Variants in ANKRD24 observed in about 807,000 individuals in gnomAD.
The protein encoded by ANKRD24 is ankyrin repeat domain 24, also known as ankyrin repeat domain-containing protein 24.
A neutral mutation model predicts 127.8 loss-of-function variants in ANKRD24; 109 were observed. The observed-to-expected ratio is 0.85, with a 90% CI of 0.73 to 1.00. ANKRD24 has a LOEUF of 1.00. ANKRD24 is among the 50% of genes least tolerant of loss of function. The probability of loss-of-function intolerance (pLI) is 0.00; values close to 1 mark genes in which losing one functional copy is unlikely to be tolerated. For synonymous variants in ANKRD24, 743 were observed against 671.1 expected (o/e 1.11, Z -1.66); for missense variants, 1,648 against 1,570.2 (o/e 1.05, Z -0.84).
At chr19:4,193,160 G>T (rs1163069196) in intron 2 of ANKRD24, among the ~76,000 whole-genome samples, 1 of 151,684 alleles carries the variant, frequency 6.6e-6, no homozygotes, top group Admixed American at 6.6e-5. Flanking sequence ...AAATTAGCCA[G>T]GCGTGGTGGT....
At chr19:4,209,921 C>G (rs10402675) in intron 11 of ANKRD24, 137 bp from the exon 12 acceptor site, 464,804 of 619,366 alleles carry the variant, frequency 0.75, 174,964 homozygotes, top group African/African-American at 0.77. Flanking sequence ...AAGTAAGCGG[C>G]AGGAGGCAGG....
rs747414629 is a variant in ANKRD24, at chr19:4,219,574, G to A, written c.3004-17G>A. 2.4e-5 allele frequency: 38 copies of A among 1,593,374 alleles called. No homozygotes were observed. Among genetic ancestry groups the A allele is most frequent in the South Asian group, 8.9e-5 (8 of 89,834 alleles). On this transcript the variant is annotated splice_polypyrimidine_tract_variant and intron_variant, in intron 18 of 21. Coordinates refer to ENST00000318934, the MANE Select transcript of ANKRD24 (RefSeq NM_001393985.1). ...AGTCTTAGTGTCCTGAGAGTCATGC[G>A]TGGGCTTGGGCCACAGGTGCAGCGT...
At chr19:4,224,102 G>A (rs1436693601) in intron 20 of ANKRD24, 25 bp from the exon 21 acceptor site, 9 of 1,608,250 alleles carry the variant, frequency 5.6e-6, no homozygotes, top group Non-Finnish European at 6.8e-6. Flanking sequence ...CTGCTCTTCT[G>A]AGCGCCCCTT....
chr19:4,210,140 T>G lies in ANKRD24; in HGVS notation c.951+2T>G. 1 of 1,605,650 alleles carries G rather than the reference T, an allele frequency of 6.2e-7. No homozygotes were observed. The highest frequency in any genetic ancestry group is 8.5e-7 in the Non-Finnish European group (1 of 1,176,552). On this transcript the variant is annotated splice_donor_variant, in intron 12 of 21. Transcript: ENST00000318934. LOFTEE classifies it high-confidence loss of function. Reference sequence around the variant, plus strand: ...CCTCCCGCCAGCATTCCCATGCCGGTGAGAGATGCTCTGGGCACGGGAGGA... The same window carrying G: ...CCTCCCGCCAGCATTCCCATGCCGGGGAGAGATGCTCTGGGCACGGGAGGA...
At chr19:4,220,314 T>C (rs1025536637) in intron 19 of ANKRD24, among the ~76,000 whole-genome samples, 3 of 152,136 alleles carry the variant, frequency 2.0e-5, no homozygotes, top group African/African-American at 7.2e-5. Context: ...TGCCAGGCCC[T>C]GTGGACTGGA....
At chr19:4,205,908 C>T (rs8111300) in intron 7 of ANKRD24, among the ~76,000 whole-genome samples, 20,764 of 149,926 alleles carry the variant, frequency 0.14, 1,553 homozygotes, top group Middle Eastern at 0.17. Context: ...TTTGGGAGGC[C>T]GAGGCGGGTG....
At position 4,217,932 on chromosome 19, in the gene ANKRD24, G is replaced by C. The variant is rs1458169873; in HGVS notation, c.2772G>C (p.Glu924Asp). ...CCTCTGAGCACCGCCGGCTGCAGGA[G>C]GAGGCCCTGGAGCTGCGGGGCCGGG... ...VPASEHRRLQEEALELRGRAA... is the reference protein window; with the variant it reads ...VPASEHRRLQDEALELRGRAA... The change falls in exon 18 of 22, where the codon GAG (glutamate) becomes GAC (aspartate). Residue 924 changes from glutamate to aspartate, a missense_variant. Transcript: ENST00000318934. 4.0e-6 allele frequency: 6 copies of C among 1,498,706 alleles called. No homozygotes were observed. Among genetic ancestry groups the C allele is most frequent in the Non-Finnish European group, 5.3e-6 (6 of 1,131,486 alleles). 92.8% of individuals were successfully genotyped at this position (1,498,706 alleles called of 1,614,324 possible).
In ANKRD24 at chr19:4,195,089, TAGAG is replaced by T. The variant is rs1017148247; in HGVS notation, c.37-4591_37-4588del. Among the ~76,000 whole-genome samples, 3 of 152,008 alleles carry T rather than the reference TAGAG, an allele frequency of 2.0e-5. No homozygotes were observed. The highest frequency in any genetic ancestry group is 7.2e-5 in the African/African-American group (3 of 41,416). On this transcript the variant is annotated intron_variant, in intron 2 of 21. Coordinates refer to ENST00000318934, the MANE Select transcript of ANKRD24 (RefSeq NM_001393985.1). The surrounding 1 kb of genome is among the most constrained non-coding windows in gnomAD (Gnocchi z 4.2). ...GTTTGTTTGTTTGTTTGTTTGTTTT[TAGAG>T]AGGGAGTCTCACTCTGTCACCCAGG...
chr19:4,192,712 C>T (rs1016247371), intron 2 of ANKRD24, among the ~76,000 whole-genome samples: 2 of 151,502 alleles, frequency 1.3e-5, no homozygotes, highest in East Asian at 4.0e-4. Context: ...GGGAGGATCA[C>T]TTAAGCCCAG....
chr19:4,198,165 AG>A lies in ANKRD24; in HGVS notation c.37-1515del. On this transcript the variant is annotated intron_variant, in intron 2 of 21. Transcript: ENST00000318934. This position sits in a 1 kb window ranked among gnomAD's most constrained non-coding sequence, Gnocchi z 6.1. ...ATGCAGCCGGCGGCCTGCGCTGGTG[AG>A]GGAGCCGGGCCCCCGGCGCCGCGTC... The A allele has an allele frequency of 1.8e-6, 1 of 563,416 alleles. No individual in the cohort carries two copies. The highest frequency in any genetic ancestry group is 3.3e-5 in the Admixed American group (1 of 30,700). 34.9% of individuals were successfully genotyped at this position (563,416 alleles called of 1,614,324 possible).
At chr19:4,222,821 A>G (rs1970514319) in intron 20 of ANKRD24, 26 bp downstream of exon 20, 3 of 1,582,134 alleles carry the variant, frequency 1.9e-6, no homozygotes, top group African/African-American at 2.7e-5. Flanking sequence ...CGCAGGGGCC[A>G]GGGGACCATC....
intron 6 of ANKRD24, 109 bp from the exon 7 acceptor site, chr19:4,202,760 G>A (rs953670493): frequency 1.4e-5 from 17 of 1,180,050 alleles, no homozygotes; most frequent in African/African-American, 3.1e-5. Context: ...TGGGGGCCAC[G>A]GAAGGGTGAG....
At position 4,212,684 on chromosome 19, in the gene ANKRD24, C is replaced by T; in HGVS notation, c.1183C>T (p.Leu395=). Residue 395 remains leucine, a synonymous_variant, in exon 15 of 22, where the codon CTG becomes TTG. Coordinates refer to ENST00000318934, the MANE Select transcript of ANKRD24 (RefSeq NM_001393985.1). ...GREVESLQSR[L]SLLENERENT... ...GGAGGTGGAGAGTTTGCAGAGCCGGCTGTCCCTGCTGGAGGTAGGAGCAGT... is the reference window on the plus strand; with the variant it reads ...GGAGGTGGAGAGTTTGCAGAGCCGGTTGTCCCTGCTGGAGGTAGGAGCAGT... 6.4e-7 allele frequency: 1 copy of T among 1,550,852 alleles called. No individual in the cohort carries two copies. The highest frequency in any genetic ancestry group is 1.2e-5 in the South Asian group (1 of 84,016).
chr19:4,208,684 C>A, intron 10 of ANKRD24, 80 bp from the exon 11 acceptor site: 1 of 1,423,094 alleles, frequency 7.0e-7, no homozygotes, highest in Non-Finnish European at 9.7e-7. Flanking sequence ...TCGGGAGCCC[C>A]CTACAAGTCC....
At chr19:4,193,227 G>T (rs940394364) in intron 2 of ANKRD24, among the ~76,000 whole-genome samples, 1 of 149,524 alleles carries the variant, frequency 6.7e-6, no homozygotes, top group Non-Finnish European at 1.5e-5. Flanking sequence ...GCTTGAATCC[G>T]GGAGGCAGGG....
rs61743270 is a variant in ANKRD24 at position 4,199,947 on chromosome 19, G to A, written c.196G>A (p.Ala66Thr). The A allele has an allele frequency of 5.0e-3, 7,877 of 1,564,072 alleles. 128 individuals are homozygous for A. In the African/African-American group the frequency reaches 0.055, roughly 11 times the overall value. ...VENNDAPRVAALIARKGLVPT... is the reference protein window; with the variant it reads ...VENNDAPRVATLIARKGLVPT... Reference sequence around the variant, plus strand: ...AAACAACGATGCACCTCGGGTGGCCGCCCTCATCGCCCGCAAGGGGCTGGT... The same window carrying A: ...AAACAACGATGCACCTCGGGTGGCCACCCTCATCGCCCGCAAGGGGCTGGT... The change falls in exon 4 of 22, where the codon GCC (alanine) becomes ACC (threonine). Residue 66 changes from alanine (A) to threonine (T), a missense_variant. Physicochemically the swap from Ala to Thr is moderately conservative, Grantham distance 58. Transcript: ENST00000318934. This position sits in a 1 kb window ranked among gnomAD's most constrained non-coding sequence, Gnocchi z 5.2.
chr19:4,203,013 A>G, intron 7 of ANKRD24, 87 bp downstream of exon 7: 4 of 1,108,814 alleles, frequency 3.6e-6, no homozygotes, highest in Non-Finnish European at 5.0e-6. Context: ...TAGGGACCTG[A>G]CCTGCTGTGA....
intron 7 of ANKRD24, among the ~76,000 whole-genome samples, chr19:4,203,373 G>T (rs1599425250): frequency 6.6e-6 from 1 of 150,884 alleles, no homozygotes; most frequent in East Asian, 2.0e-4. Context: ...ATGAGATAGG[G>T]TCTTGCTCTG....
At chr19:4,223,233 G>A (rs1402083058) in intron 20 of ANKRD24, among the ~76,000 whole-genome samples, 1 of 150,640 alleles carries the variant, frequency 6.6e-6, no homozygotes, top group Non-Finnish European at 1.5e-5. Flanking sequence ...GCTCCTGGCC[G>A]CCCTCTGCCT....
Sources: allele counts gnomAD v4.1 joint callset (sites outside exome capture counted in the v4.1 genomes callset), GRCh38; gene constraint gnomAD v4.1.1; non-coding constraint Gnocchi (gnomAD v3.1); transcripts MANE v1.5; gene names NCBI Gene and HGNC (gene_info 2026-07-23, HGNC 2026-07-21).